The following FER variants were observed in gnomAD, a reference collection of about 807,000 sequenced individuals.
The protein encoded by FER is tyrosine-protein kinase Fer.
FER carries 63 observed loss-of-function variants against 111.0 expected under a neutral mutation model. The observed-to-expected ratio is 0.57, with a 90% CI of 0.46 to 0.70. The LOEUF is 0.70. Among genes scored for constraint, FER ranks in the 30% least tolerant of loss-of-function variants. FER has a pLI of 0.00. For synonymous variants in FER, 327 were observed against 313.9 expected, an observed-to-expected ratio of 1.04 and a Z score of -0.44; for missense variants, 914 against 954.0, an observed-to-expected ratio of 0.96 and a Z score of 0.55.
At chr5:108,845,020 A>ATATG (rs1561502916) in intron 5 of FER, among the ~76,000 whole-genome samples, 17 of 52,126 alleles carry the variant, frequency 3.3e-4, no homozygotes, top group East Asian at 2.9e-3. Context: ...ATATATATAT[A>ATATG]TATATATATA....
intron 13 of FER, among the ~76,000 whole-genome samples, chr5:108,992,899 C>T (rs1406119424): frequency 6.8e-4 from 99 of 146,436 alleles, no homozygotes; most frequent in African/African-American, 2.2e-3. Flanking sequence ...ACATCCCAGA[C>T]GGGGCGGCGG....
chr5:108,852,571 CAGTTTAACATATGGAAA>C (rs1334184510), intron 5 of FER, among the ~76,000 whole-genome samples: 1 of 152,030 alleles, frequency 6.6e-6, no homozygotes, highest in African/African-American at 2.4e-5. Context: ...ATTTCTCTCT[CAGTTTAACATATGGAAA>C]AATTCATATT....
At chr5:108,953,242 C>T (rs1288744810) in intron 11 of FER, among the ~76,000 whole-genome samples, 1 of 151,486 alleles carries the variant, frequency 6.6e-6, no homozygotes, top group Non-Finnish European at 1.5e-5. Context: ...ACCTCATAGT[C>T]GTGGGTGGGT....
intron 13 of FER, among the ~76,000 whole-genome samples, chr5:108,982,055 G>C (rs187509058): frequency 6.6e-6 from 1 of 152,202 alleles, no homozygotes; most frequent in South Asian, 2.1e-4. Context: ...TTTTGAAAGC[G>C]CAGGCTCTGG....
intron 17 of FER, chr5:109,177,686 A>T (rs1649536968): frequency 6.6e-6 from 1 of 152,194 alleles, no homozygotes; most frequent in Non-Finnish European, 1.5e-5. Context: ...ATTATGTATG[A>T]CTTGTAAGAC....
At chr5:109,131,407 A>T (rs1752343504) in intron 17 of FER, among the ~76,000 whole-genome samples, 1 of 152,142 alleles carries the variant, frequency 6.6e-6, no homozygotes, top group Admixed American at 6.6e-5. Flanking sequence ...TTGCTGTAGC[A>T]TAAGATTTTT....
At chr5:108,782,848 C>G (rs1754248953) in intron 2 of FER, 1 of 152,082 alleles carries the variant, frequency 6.6e-6, no homozygotes, top group Non-Finnish European at 1.5e-5. Flanking sequence ...CCTAATTGCC[C>G]CTGTACTGTT....
chr5:109,085,099 A>T (rs1777413989), intron 16 of FER, among the ~76,000 whole-genome samples: 2 of 151,882 alleles, frequency 1.3e-5, no homozygotes, highest in Admixed American at 6.6e-5. Flanking sequence ...CAGCTTGTCA[A>T]ATTCAACAAA....
intron 17 of FER, among the ~76,000 whole-genome samples, chr5:109,154,351 A>C (rs1276853232): frequency 2.0e-5 from 3 of 151,994 alleles, no homozygotes; most frequent in African/African-American, 7.2e-5. Flanking sequence ...ATGGAAGCTG[A>C]TTTTTACCAC....
At chr5:108,789,937 C>T (rs1434498709) in intron 2 of FER, among the ~76,000 whole-genome samples, 1 of 152,140 alleles carries the variant, frequency 6.6e-6, no homozygotes, top group Non-Finnish European at 1.5e-5. Context: ...GAAAGGTAAA[C>T]ATTGTTATTA....
intron 13 of FER, among the ~76,000 whole-genome samples, chr5:109,012,085 C>T (rs779047641): frequency 3.3e-5 from 5 of 152,178 alleles, no homozygotes; most frequent in African/African-American, 4.8e-5. Context: ...CTGCATTCGC[C>T]GCACTCTTTG....
intron 17 of FER, among the ~76,000 whole-genome samples, chr5:109,113,766 C>T (rs1300131509): frequency 3.9e-5 from 6 of 152,070 alleles, no homozygotes; most frequent in Admixed American, 3.9e-4. Flanking sequence ...GAAATCTTAA[C>T]TTTTTGCAGC....
At chr5:109,061,244 C>T (rs772101887) in intron 16 of FER, among the ~76,000 whole-genome samples, 6 of 152,064 alleles carry the variant, frequency 3.9e-5, no homozygotes, top group Non-Finnish European at 8.8e-5. Context: ...CTCTGATAAA[C>T]TTTAAGACCA....
chr5:109,151,859 C>T (rs72798559), intron 17 of FER, among the ~76,000 whole-genome samples: 1,562 of 152,150 alleles, frequency 0.01, 18 homozygotes, highest in Middle Eastern at 0.054. Flanking sequence ...TCTCATAACT[C>T]GCAAAATCAG....
chr5:108,981,809 GACATT>G (rs1488439961), intron 13 of FER, among the ~76,000 whole-genome samples: 1 of 152,060 alleles, frequency 6.6e-6, no homozygotes, highest in Non-Finnish European at 1.5e-5. Context: ...TTCCAACCCA[GACATT>G]TTGACTTGAG....
chr5:109,146,713 A>G (rs1296237978), intron 17 of FER, among the ~76,000 whole-genome samples: 1 of 152,124 alleles, frequency 6.6e-6, no homozygotes, highest in South Asian at 2.1e-4. Context: ...ATCGATTTGA[A>G]TGATTTAAAT....
chr5:109,024,735 T>C (rs1436925668), intron 13 of FER, among the ~76,000 whole-genome samples: 1 of 152,220 alleles, frequency 6.6e-6, no homozygotes, highest in African/African-American at 2.4e-5. Flanking sequence ...TTCATTTTGA[T>C]GAGCCCCTGT....
At chr5:108,831,175 T>G (rs769155846) in intron 3 of FER, among the ~76,000 whole-genome samples, 3 of 152,158 alleles carry the variant, frequency 2.0e-5, no homozygotes, top group Non-Finnish European at 2.9e-5. Context: ...GACTGCTACA[T>G]AGAATTACAA....
intron 10 of FER, among the ~76,000 whole-genome samples, chr5:108,921,653 G>T (rs1753033451): frequency 6.6e-6 from 1 of 151,842 alleles, no homozygotes; most frequent in African/African-American, 2.4e-5. Context: ...AAGGTAATAG[G>T]GTATATAAAA....
Sources: gnomAD v4.1 joint callset for allele counts (sites outside exome capture counted in the v4.1 genomes callset) on GRCh38, gnomAD v4.1.1 for gene constraint, MANE v1.5 for transcripts, NCBI Gene and HGNC (gene_info 2026-07-23, HGNC 2026-07-21) for gene names.